LRRC49: variants seen among roughly 807,000 people sequenced by gnomAD.
The protein encoded by LRRC49 is leucine-rich repeat-containing protein 49.
A neutral mutation model predicts 83.3 loss-of-function variants in LRRC49; 50 were observed. The ratio of observed to expected loss-of-function variants is 0.60; its 90% CI spans 0.48 to 0.76. The LOEUF (loss-of-function observed/expected upper bound fraction) is 0.76. LRRC49 is among the 30% of genes least tolerant of loss of function. The pLI is 0.00. For missense variants in LRRC49, 704 were observed against 809.1 expected, an observed-to-expected ratio of 0.87 and a Z score of 1.58; for synonymous variants, 286 against 283.3, an observed-to-expected ratio of 1.01 and a Z score of -0.10.
intron 1 of LRRC49, chr15:70,853,956 C>A: frequency 6.9e-7 from 1 of 1,451,650 alleles, no homozygotes; most frequent in Non-Finnish European, 9.1e-7. Context: ...CGGGCCGGGT[C>A]CCCGGCGCCC....
At chr15:70,956,501 C>CAA (rs777121049) in intron 8 of LRRC49, among the ~76,000 whole-genome samples, 11 of 83,418 alleles carry the variant, frequency 1.3e-4, no homozygotes, top group African/African-American at 3.1e-4. Flanking sequence ...AACCCTCTGC[C>CAA]AAAAAAAAAA....
chr15:70,879,378 C>T (rs904813914), intron 2 of LRRC49, among the ~76,000 whole-genome samples: 2 of 152,138 alleles, frequency 1.3e-5, no homozygotes, highest in African/African-American at 4.8e-5. Flanking sequence ...GATATTAGGT[C>T]ACACTTTCTA....
chr15:70,854,210 G>A (rs2032586040), intron 1 of LRRC49: 1 of 643,956 alleles, frequency 1.6e-6, no homozygotes, highest in Non-Finnish European at 2.0e-6. Flanking sequence ...GCCCAGGGGA[G>A]GGACAGGGGT....
chr15:70,898,237 T>C, intron 3 of LRRC49: 1 of 583,250 alleles, frequency 1.7e-6, no homozygotes, highest in South Asian at 2.1e-5. Context: ...CCATTATACT[T>C]CTTAACACTT....
chr15:71,002,512 G>T (rs1016190980), intron 11 of LRRC49, among the ~76,000 whole-genome samples: 2 of 147,618 alleles, frequency 1.4e-5, no homozygotes, highest in Non-Finnish European at 1.5e-5. Flanking sequence ...TTGGTGTAAT[G>T]TTTTTTTTTT....
intron 10 of LRRC49, among the ~76,000 whole-genome samples, chr15:70,982,380 A>G (rs1596096510): frequency 6.6e-6 from 1 of 152,186 alleles, no homozygotes; most frequent in East Asian, 1.9e-4. Context: ...TTGGGTTGGC[A>G]TAGTCATCAG....
chr15:71,052,703 T>C lies in LRRC49; in HGVS notation c.*3091T>C, dbSNP rs2040008774. 6.6e-6 allele frequency: 1 copy of C among 152,144 alleles called. No homozygotes were observed. The highest frequency in any genetic ancestry group is 2.1e-4 in the South Asian group (1 of 4,824). 9.4% of individuals were successfully genotyped at this position (152,144 alleles called of 1,614,324 possible). A position where few individuals can be genotyped will look rare whatever the true frequency, so the allele number is the denominator to read the frequency against. On this transcript the variant is annotated 3_prime_UTR_variant, in exon 16 of 16. Coordinates refer to ENST00000260382, the MANE Select transcript of LRRC49 (RefSeq NM_017691.5). Reference sequence around the variant, plus strand: ...CTCATTTAATCTCCTAACACTGCGATATATATATGATAGCAATCCCATTTG... The same window carrying C: ...CTCATTTAATCTCCTAACACTGCGACATATATATGATAGCAATCCCATTTG...
At chr15:70,952,744 A>G (rs1019018726) in intron 8 of LRRC49, among the ~76,000 whole-genome samples, 2 of 152,080 alleles carry the variant, frequency 1.3e-5, no homozygotes, top group African/African-American at 2.4e-5. Context: ...AGTCCTGAGT[A>G]TTATTGTTTG....
At chr15:70,854,858 C>T (rs2032611510) in intron 1 of LRRC49, among the ~76,000 whole-genome samples, 1 of 152,116 alleles carries the variant, frequency 6.6e-6, no homozygotes, top group African/African-American at 2.4e-5. Context: ...GTTCGAAAGC[C>T]GATGGCCTAT....
chr15:70,973,040 T>C (rs1178015720), intron 9 of LRRC49, among the ~76,000 whole-genome samples: 1 of 151,952 alleles, frequency 6.6e-6, no homozygotes, highest in East Asian at 1.9e-4. Context: ...TGGTGAGGAG[T>C]TGTGATCCTT....
chr15:70,866,963 A>C (rs1325931961), intron 1 of LRRC49, among the ~76,000 whole-genome samples: 1 of 151,786 alleles, frequency 6.6e-6, no homozygotes, highest in Non-Finnish European at 1.5e-5. Context: ...GCCTTTGGAA[A>C]GTCTTTGGGG....
intron 8 of LRRC49, among the ~76,000 whole-genome samples, chr15:70,954,157 A>AC (rs2036317425): frequency 6.6e-6 from 1 of 152,194 alleles, no homozygotes; most frequent in South Asian, 2.1e-4. Context: ...GGCTTCCCAA[A>AC]GTGCTGGGAT....
At chr15:70,879,839 A>G (rs976456823) in intron 2 of LRRC49, among the ~76,000 whole-genome samples, 45 of 152,186 alleles carry the variant, frequency 3.0e-4, no homozygotes, top group African/African-American at 1.0e-3. Context: ...TCTCTCACCT[A>G]AAGTCCAATG....
At chr15:70,986,022 G>A (rs2037600939) in intron 11 of LRRC49, among the ~76,000 whole-genome samples, 1 of 151,614 alleles carries the variant, frequency 6.6e-6, no homozygotes, top group Non-Finnish European at 1.5e-5. Context: ...ATGCTGTTTT[G>A]GTTATTGTAG....
chr15:70,974,116 ACT>A (rs1163757774), intron 9 of LRRC49, among the ~76,000 whole-genome samples: 5 of 151,898 alleles, frequency 3.3e-5, no homozygotes, highest in African/African-American at 7.3e-5. Context: ...ACAGAAGGGG[ACT>A]CTGTCTCAAA....
At chr15:70,858,559 G>A (rs769493945) in intron 1 of LRRC49, among the ~76,000 whole-genome samples, 13 of 152,234 alleles carry the variant, frequency 8.5e-5, no homozygotes, top group Admixed American at 8.5e-4. Flanking sequence ...AGCCGAGATT[G>A]TGCCATTGCA....
intron 7 of LRRC49, among the ~76,000 whole-genome samples, chr15:70,926,637 T>G (rs1206490792): frequency 6.6e-6 from 1 of 152,296 alleles, no homozygotes; most frequent in African/African-American, 2.4e-5. Flanking sequence ...CATTTAATAT[T>G]AGGTATATCT....
intron 4 of LRRC49, among the ~76,000 whole-genome samples, chr15:70,902,009 A>G (rs1052675626): frequency 5.3e-5 from 8 of 152,158 alleles, no homozygotes; most frequent in Non-Finnish European, 1.2e-4. Context: ...ATAATGAACT[A>G]TCTGTGTTTA....
At chr15:70,978,831 CAT>C (rs1316761193) in intron 9 of LRRC49, among the ~76,000 whole-genome samples, 2 of 152,086 alleles carry the variant, frequency 1.3e-5, no homozygotes. Context: ...GATACTAAAA[CAT>C]ATAGAAAACA....
Sources: allele counts gnomAD v4.1 joint callset (sites outside exome capture counted in the v4.1 genomes callset), GRCh38; gene constraint gnomAD v4.1.1; transcripts MANE v1.5; gene names NCBI Gene and HGNC (gene_info 2026-07-23, HGNC 2026-07-21).